BAIAP2: variants seen among roughly 807,000 people sequenced by gnomAD.
BAIAP2 encodes BAR/IMD domain-containing adapter protein 2.
Under a neutral mutation model 63.0 loss-of-function variants are expected in BAIAP2, and 18 were observed. The ratio of observed to expected loss-of-function variants is 0.29; its 90% CI spans 0.20 to 0.42. The LOEUF (loss-of-function observed/expected upper bound fraction) is 0.42. BAIAP2 is among the 10% of genes least tolerant of loss of function. BAIAP2 has a pLI of 1.00. For missense variants in BAIAP2, 610 were observed against 734.3 expected, an observed-to-expected ratio of 0.83 and a Z score of 1.96; for synonymous variants, 386 against 307.6, an observed-to-expected ratio of 1.25 and a Z score of -2.67.
chr17:81,113,573 G>A (rs2060156167), intron 13 of BAIAP2, among the ~76,000 whole-genome samples: 2 of 152,228 alleles, frequency 1.3e-5, no homozygotes. Flanking sequence ...TGGGCCTGCT[G>A]TCCCAGCCAG....
rs557692989 is a variant in BAIAP2 at position 81,039,426 on chromosome 17, G to A, written c.54+4118G>A. On this transcript the variant is annotated intron_variant, in intron 1 of 13. Coordinates refer to ENST00000428708, the MANE Select transcript of BAIAP2 (RefSeq NM_001144888.2). ...CATGCCTGCTGTGCCGTTGGTGGCT[G>A]CATGAAGTCCGTGTCTACCGATGGA... is the stretch of plus-strand genomic sequence containing the variant. Among the ~76,000 whole-genome samples, 5 of 152,338 alleles carry A rather than the reference G, an allele frequency of 3.3e-5. No individual in the cohort carries two copies. The East Asian group carries it at 5.8e-4, about 18-fold the overall frequency.
Position 81,103,973 on chromosome 17 carries a change from A to T in BAIAP2, c.931A>T (p.Ser311Cys). ...CACAGGCCCGGATGGCGAGGACTAC[A>T]GCCCGTGGGCTGACCGCAAGGCTGC... Reference protein sequence around the residue: ...GVTGPDGEDYSPWADRKAAQP... With the variant: ...GVTGPDGEDYCPWADRKAAQP... Residue 311 changes from serine (S) to cysteine (C), a missense_variant, in exon 9 of 14, where the codon AGC becomes TGC. Physicochemically the swap from Ser to Cys is moderately radical, Grantham distance 112. Around this residue, in one of 5 missense-constraint regions of BAIAP2, gnomAD observed 389 missense variants for 455.6 expected, o/e 0.85. Transcript: ENST00000428708. 6.2e-7 allele frequency: 1 copy of T among 1,613,110 alleles called. No individual in the cohort carries two copies. Among genetic ancestry groups the T allele is most frequent in the East Asian group, 2.2e-5 (1 of 44,882 alleles).
chr17:81,036,516 C>T lies in BAIAP2; in HGVS notation c.54+1208C>T, dbSNP rs528269802. Among the ~76,000 whole-genome samples the T allele has an allele frequency of 3.5e-4, 53 of 152,348 alleles. 1 individual carries two copies. Among genetic ancestry groups the T allele is most frequent in the Admixed American group, 6.5e-4 (10 of 15,310 alleles). On this transcript the variant is annotated intron_variant, in intron 1 of 13. Transcript: ENST00000428708. ...GCCAGATGGAGGCTTCAGGGGTGGC[C>T]CCTCTGGTTCCAGCTGGAGTGCAGG...
In BAIAP2 at chr17:81,084,848, G is replaced by A; in HGVS notation, c.234G>A (p.Gln78=). ...GSKELGDVLF[Q]MAEVHRQIQN... Reference sequence around the variant, plus strand: ...GCTTCCCAGGAGACGTTCTCTTCCAGATGGCTGAAGTCCACAGGCAGATCC... The same window carrying A: ...GCTTCCCAGGAGACGTTCTCTTCCAAATGGCTGAAGTCCACAGGCAGATCC... Residue 78 remains glutamine, a synonymous_variant, in exon 4 of 14, where the codon CAG becomes CAA. Coordinates refer to ENST00000428708, the MANE Select transcript of BAIAP2 (RefSeq NM_001144888.2). The A allele has an allele frequency of 6.2e-7, 1 of 1,613,860 alleles. No homozygotes were observed. Among genetic ancestry groups the A allele is most frequent in the Non-Finnish European group, 8.5e-7 (1 of 1,180,018 alleles).
intron 9 of BAIAP2, 81 bp downstream of exon 9, chr17:81,104,189 AGG>A: frequency 6.8e-7 from 1 of 1,460,644 alleles, no homozygotes; most frequent in Non-Finnish European, 9.5e-7. Flanking sequence ...AACCCTCAAT[AGG>A]GGCCTGGGAG....
At chr17:81,067,426 C>T (rs754995488) in intron 3 of BAIAP2, among the ~76,000 whole-genome samples, 20 of 152,206 alleles carry the variant, frequency 1.3e-4, no homozygotes, top group Non-Finnish European at 2.1e-4. Flanking sequence ...GCCTTGTTCC[C>T]CTCTGGCTGT....
intron 1 of BAIAP2, among the ~76,000 whole-genome samples, chr17:81,039,936 AG>A (rs1201032460): frequency 6.6e-6 from 1 of 152,166 alleles, no homozygotes; most frequent in African/African-American, 2.4e-5. Context: ...CCCAGTTCAC[AG>A]GTCTGGGCCC....
At chr17:81,075,425 AGCTCG>A (rs2053492358) in intron 3 of BAIAP2, among the ~76,000 whole-genome samples, 2 of 152,126 alleles carry the variant, frequency 1.3e-5, no homozygotes, top group African/African-American at 4.8e-5. Flanking sequence ...GATCGGAAGG[AGCTCG>A]GCCGTCGCCT....
chr17:81,049,553 G>A (rs1477870886), intron 1 of BAIAP2, among the ~76,000 whole-genome samples: 1 of 152,166 alleles, frequency 6.6e-6, no homozygotes, highest in Non-Finnish European at 1.5e-5. Flanking sequence ...CCCATCCCCT[G>A]CCCCAGCACT....
chr17:81,102,370 G>A (rs1017324608), intron 7 of BAIAP2, among the ~76,000 whole-genome samples: 30 of 152,200 alleles, frequency 2.0e-4, no homozygotes, highest in African/African-American at 6.0e-4. Context: ...GCCTCTCCGC[G>A]CCACCCAAGA....
At chr17:81,113,214 G>A (rs986849297) in intron 13 of BAIAP2, among the ~76,000 whole-genome samples, 55 of 152,174 alleles carry the variant, frequency 3.6e-4, no homozygotes, top group African/African-American at 1.3e-3. Flanking sequence ...CACACATGAC[G>A]CAGGCCCTCC....
intron 5 of BAIAP2, 40 bp downstream of exon 5, chr17:81,085,765 G>A (rs749835760): frequency 1.1e-5 from 17 of 1,535,336 alleles, no homozygotes; most frequent in Non-Finnish European, 1.5e-5. Flanking sequence ...CCCTGTGCCT[G>A]GGCTCCGGCT....
chr17:81,039,048 C>T (rs980466218), intron 1 of BAIAP2, among the ~76,000 whole-genome samples: 1 of 152,262 alleles, frequency 6.6e-6, no homozygotes, highest in Admixed American at 6.5e-5. Context: ...GGGTGGCCCC[C>T]ATGGGCACCA....
chr17:81,085,671 C>A lies in BAIAP2; in HGVS notation c.297C>A (p.Asn99Lys). The part of the protein sequence containing the change: ...QLEEMLKSFH[N>K]ELLTQLEQKV... The stretch of plus-strand genomic sequence containing the variant: ...ATGTCCAGCTGAAGTCTTTTCACAA[C>A]GAGCTGCTTACGCAGCTGGAGCAGA... Residue 99 changes from asparagine to lysine, a missense_variant, in exon 5 of 14, where the codon AAC becomes AAA. Physicochemically the swap from Asn to Lys is moderately conservative, Grantham distance 94. Around this residue, in one of 5 missense-constraint regions of BAIAP2, gnomAD observed 389 missense variants for 455.6 expected, o/e 0.85. Transcript: ENST00000428708. The A allele has an allele frequency of 6.2e-7, 1 of 1,613,868 alleles. No individual in the cohort carries two copies. Among genetic ancestry groups the A allele is most frequent in the Non-Finnish European group, 8.5e-7 (1 of 1,179,982 alleles).
intron 6 of BAIAP2, among the ~76,000 whole-genome samples, chr17:81,098,581 C>T (rs1275108678): frequency 6.6e-6 from 1 of 152,246 alleles, no homozygotes; most frequent in Non-Finnish European, 1.5e-5. Context: ...AACTAAAGCT[C>T]TTAGTACCCT....
At chr17:81,068,099 G>C (rs1173434788) in intron 3 of BAIAP2, among the ~76,000 whole-genome samples, 1 of 152,230 alleles carries the variant, frequency 6.6e-6, no homozygotes, top group Non-Finnish European at 1.5e-5. Flanking sequence ...ATGCACTTTG[G>C]GTGGTGCCAG....
intron 13 of BAIAP2, chr17:81,111,019 T>C (rs952258842): frequency 1.3e-6 from 2 of 1,598,836 alleles, no homozygotes; most frequent in African/African-American, 1.3e-5. Context: ...CCACGGGCCC[T>C]CTGGCCTCAG....
intron 7 of BAIAP2, among the ~76,000 whole-genome samples, chr17:81,103,196 C>G (rs11871170): frequency 6.6e-6 from 1 of 152,172 alleles, no homozygotes; most frequent in African/African-American, 2.4e-5. Context: ...TGACCTTGTG[C>G]GTCCCTGTCC....
At chr17:81,104,986 T>G in intron 10 of BAIAP2, 1 of 385,918 alleles carries the variant, frequency 2.6e-6, no homozygotes, top group African/African-American at 2.1e-5. Flanking sequence ...AGCAGGGATC[T>G]CCCCCCAACG....
Sources: allele counts gnomAD v4.1 joint callset (sites outside exome capture counted in the v4.1 genomes callset), GRCh38; gene constraint gnomAD v4.1.1; regional missense constraint gnomAD v4.1.1; transcripts MANE v1.5; gene names NCBI Gene and HGNC (gene_info 2026-07-23, HGNC 2026-07-21).